Variants in SRL observed in about 807,000 individuals in gnomAD.
The protein encoded by SRL is sarcalumenin.
Under a neutral mutation model 39.5 loss-of-function variants are expected in SRL, and 23 were observed. That is an observed-to-expected ratio of 0.58 (90% CI 0.42 to 0.82). The LOEUF (loss-of-function observed/expected upper bound fraction) is 0.82. Ranked by LOEUF, SRL falls within the 40% of genes least tolerant of loss-of-function variation. The pLI is 0.00. For missense variants in SRL, 592 were observed against 607.8 expected, an observed-to-expected ratio of 0.97 and a Z score of 0.27; for synonymous variants, 272 against 237.4, an observed-to-expected ratio of 1.15 and a Z score of -1.34.
intron 1 of SRL, among the ~76,000 whole-genome samples, chr16:4,214,775 T>G (rs1293156570): frequency 1.3e-5 from 2 of 151,880 alleles, no homozygotes; most frequent in East Asian, 3.9e-4. Context: ...TTCCACTTTT[T>G]TTTTTTTTTT....
chr16:4,194,174 G>C (rs2052103744), intron 5 of SRL, among the ~76,000 whole-genome samples: 1 of 152,158 alleles, frequency 6.6e-6, no homozygotes, highest in African/African-American at 2.4e-5. Context: ...TGGTGGATCT[G>C]GCTTCTAGTC....
At chr16:4,220,862 T>C (rs1462047833) in intron 1 of SRL, among the ~76,000 whole-genome samples, 1 of 151,206 alleles carries the variant, frequency 6.6e-6, no homozygotes, top group African/African-American at 2.4e-5. Context: ...GGTATGCTCC[T>C]ATAGTCCCAG....
intron 1 of SRL, among the ~76,000 whole-genome samples, chr16:4,224,363 A>G (rs1177239736): frequency 6.6e-6 from 1 of 151,972 alleles, no homozygotes; most frequent in African/African-American, 2.4e-5. Context: ...CAGTGGGAGG[A>G]ATTCTGAAAG....
At chr16:4,211,549 G>A (rs1343792377) in intron 1 of SRL, among the ~76,000 whole-genome samples, 1 of 129,552 alleles carries the variant, frequency 7.7e-6, no homozygotes, top group African/African-American at 3.4e-5. Flanking sequence ...TGATGACCGT[G>A]CCGATGATGA....
At chr16:4,221,835 C>A (rs142926972) in intron 1 of SRL, among the ~76,000 whole-genome samples, 134 of 152,300 alleles carry the variant, frequency 8.8e-4, no homozygotes, top group Admixed American at 3.7e-3. Context: ...TGTTTGCCAG[C>A]AACTCTTGGC....
chr16:4,192,657 C>T lies in SRL; in HGVS notation c.918G>A (p.Leu306=), dbSNP rs776808180. The T allele has an allele frequency of 6.2e-7, 1 of 1,614,000 alleles. No homozygotes were observed. Among genetic ancestry groups the T allele is most frequent in the East Asian group, 2.2e-5 (1 of 44,896 alleles). ...QEYKPDTHQE[L]FLQEEISLLE... is the part of the protein sequence containing the mutation. Reference sequence around the variant, plus strand: ...GGAGGGAGATCTCTTCTTGGAGGAACAGTTCCTGATGGGTGTCCGGCTTAT... The same window carrying T: ...GGAGGGAGATCTCTTCTTGGAGGAATAGTTCCTGATGGGTGTCCGGCTTAT... Residue 306 remains leucine, a synonymous_variant, in exon 6 of 6, where the codon CTG becomes CTA. Coordinates refer to ENST00000399609, the MANE Select transcript of SRL (RefSeq NM_001098814.2). This position sits in a 1 kb window ranked among gnomAD's most constrained non-coding sequence, Gnocchi z 4.0.
chr16:4,195,328 C>A (rs1403566364), intron 5 of SRL, among the ~76,000 whole-genome samples: 1 of 152,122 alleles, frequency 6.6e-6, no homozygotes, highest in Non-Finnish European at 1.5e-5. Flanking sequence ...TCCTGGGTAG[C>A]TAGGACCATA....
intron 1 of SRL, among the ~76,000 whole-genome samples, chr16:4,232,514 GA>G (rs1469064115): frequency 6.6e-6 from 1 of 151,684 alleles, no homozygotes; most frequent in African/African-American, 2.4e-5. Context: ...CCATCTAGAC[GA>G]ATTTTTTTTT....
chr16:4,200,865 G>A (rs1325405544), intron 3 of SRL, among the ~76,000 whole-genome samples: 1 of 152,088 alleles, frequency 6.6e-6, no homozygotes, highest in African/African-American at 2.4e-5. Flanking sequence ...TTACACCCTG[G>A]CCACTTACAG....
rs913198023 is a variant in SRL at position 4,190,098 on chromosome 16, T to C, written c.*2055A>G. ...TGGTCGACTCGTTCCTTGGAAACAT[T>C]GTCCTGAGTGCCCTGGAACCTCGGG... On this transcript the variant is annotated 3_prime_UTR_variant, in exon 6 of 6. Coordinates refer to ENST00000399609, the MANE Select transcript of SRL (RefSeq NM_001098814.2). 5.0e-6 allele frequency: 2 copies of C among 397,008 alleles called. No individual in the cohort carries two copies. The highest frequency in any genetic ancestry group is 8.9e-6 in the Non-Finnish European group (2 of 225,628). The allele number at this position is 397,008 out of a possible 1,614,324, so 24.6% of individuals were successfully genotyped here.
At chr16:4,213,904 C>T (rs144207981) in intron 1 of SRL, among the ~76,000 whole-genome samples, 1 of 152,276 alleles carries the variant, frequency 6.6e-6, no homozygotes, top group African/African-American at 2.4e-5. Flanking sequence ...GAAGTCAAGT[C>T]GTTTGCCTCA....
At chr16:4,208,873 C>T (rs2052359104) in intron 1 of SRL, among the ~76,000 whole-genome samples, 1 of 152,142 alleles carries the variant, frequency 6.6e-6, no homozygotes, top group Non-Finnish European at 1.5e-5. Flanking sequence ...TTGTAAGGGA[C>T]TGCAGCTTAA....
At chr16:4,196,268 C>T (rs2052140927) in intron 4 of SRL, among the ~76,000 whole-genome samples, 1 of 151,920 alleles carries the variant, frequency 6.6e-6, no homozygotes, top group East Asian at 1.9e-4. Flanking sequence ...CCTAAATTTA[C>T]CATTTTAATC....
intron 1 of SRL, among the ~76,000 whole-genome samples, chr16:4,219,987 G>A (rs974621658): frequency 3.9e-5 from 6 of 152,130 alleles, no homozygotes; most frequent in East Asian, 1.9e-4. Flanking sequence ...GCATTCCAGC[G>A]TCTGGGTCAT....
intron 1 of SRL, among the ~76,000 whole-genome samples, chr16:4,230,102 C>T (rs1464586774): frequency 1.3e-5 from 2 of 152,104 alleles, no homozygotes; most frequent in African/African-American, 4.8e-5. Context: ...ATTCTCCCCA[C>T]CCGGGCAGCC....
intron 1 of SRL, among the ~76,000 whole-genome samples, chr16:4,230,968 C>G (rs894205875): frequency 2.0e-5 from 3 of 152,128 alleles, no homozygotes; most frequent in African/African-American, 7.2e-5. Context: ...GGGAATGTGG[C>G]CCTGCCAACA....
chr16:4,220,031 C>A (rs150681176), intron 1 of SRL, among the ~76,000 whole-genome samples: 239 of 152,162 alleles, frequency 1.6e-3, no homozygotes, highest in African/African-American at 5.5e-3. Context: ...CCCACCTTGC[C>A]GCTCCGTGAA....
At chr16:4,210,026 C>T (rs2052373394) in intron 1 of SRL, among the ~76,000 whole-genome samples, 1 of 152,186 alleles carries the variant, frequency 6.6e-6, no homozygotes, top group African/African-American at 2.4e-5. Context: ...GTCCTGGCTC[C>T]TGATTTGCAG....
chr16:4,239,805 C>T (rs1241721094), intron 1 of SRL: 1 of 152,212 alleles, frequency 6.6e-6, no homozygotes, highest in South Asian at 2.1e-4. Flanking sequence ...GGTGGGGAGA[C>T]CGATCAAATC....
Sources: allele counts gnomAD v4.1 joint callset (sites outside exome capture counted in the v4.1 genomes callset), GRCh38; gene constraint gnomAD v4.1.1; non-coding constraint Gnocchi (gnomAD v3.1); transcripts MANE v1.5; gene names NCBI Gene and HGNC (gene_info 2026-07-23, HGNC 2026-07-21).